Variants in PRELID2 observed in about 807,000 individuals in gnomAD.
PRELID2 encodes PRELI domain containing 2, also known as PRELI domain-containing protein 2.
A neutral mutation model predicts 28.4 loss-of-function variants in PRELID2; 25 were observed. The ratio of observed to expected loss-of-function variants is 0.88; its 90% confidence interval spans 0.64 to 1.23. PRELID2 has a LOEUF of 1.23. Among genes scored for constraint, PRELID2 ranks in the 50% most tolerant of loss-of-function variants. The probability of loss-of-function intolerance (pLI) is 0.00; values close to 1 mark genes in which losing one functional copy is unlikely to be tolerated. For synonymous variants in PRELID2, 76 were observed against 71.6 expected (o/e 1.06, Z -0.31); for missense variants, 201 against 214.4 (o/e 0.94, Z 0.39).
At chr5:145,531,138 T>C (rs528474779) in intron 1 of PRELID2, among the ~76,000 whole-genome samples, 32 of 152,302 alleles carry the variant, frequency 2.1e-4, no homozygotes, top group African/African-American at 7.5e-4. Flanking sequence ...ATATGGATGC[T>C]AGTCATTTGT....
chr5:145,367,129 T>C, the PRELID2 span, among the ~76,000 whole-genome samples: 1 of 149,560 alleles, frequency 6.7e-6, no homozygotes, highest in East Asian at 1.9e-4. Flanking sequence ...AAAATTGTCA[T>C]ATGATTCTTT....
chr5:145,398,413 T>C, the PRELID2 span, among the ~76,000 whole-genome samples: 1 of 152,062 alleles, frequency 6.6e-6, no homozygotes, highest in Admixed American at 6.6e-5. Context: ...ATCAGTAACA[T>C]ACCTTTCTGA....
At chr5:145,276,973 A>G in the PRELID2 span, among the ~76,000 whole-genome samples, 1 of 152,130 alleles carries the variant, frequency 6.6e-6, no homozygotes, top group Non-Finnish European at 1.5e-5. Flanking sequence ...ATGACAGGAG[A>G]AATGAAGTCC....
At chr5:145,391,137 G>A in the PRELID2 span, among the ~76,000 whole-genome samples, 1 of 152,118 alleles carries the variant, frequency 6.6e-6, no homozygotes, top group Non-Finnish European at 1.5e-5. Flanking sequence ...AGCTGTAAGT[G>A]AATCTACCAT....
chr5:145,693,146 A>G (rs1755184461), intron 1 of PRELID2, among the ~76,000 whole-genome samples: 1 of 149,186 alleles, frequency 6.7e-6, no homozygotes, highest in African/African-American at 2.5e-5. Flanking sequence ...ATAAATAAAT[A>G]AATCTTTTTT....
At chr5:145,560,804 T>C (rs899624223) in intron 1 of PRELID2, among the ~76,000 whole-genome samples, 6 of 152,206 alleles carry the variant, frequency 3.9e-5, no homozygotes, top group Non-Finnish European at 8.8e-5. Flanking sequence ...CCAAAATGCC[T>C]CTCTTCTTTC....
At chr5:145,381,104 A>C in the PRELID2 span, among the ~76,000 whole-genome samples, 2 of 152,326 alleles carry the variant, frequency 1.3e-5, no homozygotes, top group African/African-American at 4.8e-5. Flanking sequence ...TGTCTCTAAA[A>C]AGCAATAATT....
chr5:145,669,042 C>T (rs986574256), intron 1 of PRELID2, among the ~76,000 whole-genome samples: 4 of 152,064 alleles, frequency 2.6e-5, no homozygotes, highest in South Asian at 2.1e-4. Context: ...GACACACATC[C>T]CCGTGCTCCC....
At chr5:145,274,538 C>T in the PRELID2 span, among the ~76,000 whole-genome samples, 5 of 152,076 alleles carry the variant, frequency 3.3e-5, no homozygotes, top group Non-Finnish European at 5.9e-5. Context: ...TAGGCACAGA[C>T]TTAGAGGTTA....
At chr5:145,554,878 A>G (rs1752866686) in intron 1 of PRELID2, among the ~76,000 whole-genome samples, 1 of 152,222 alleles carries the variant, frequency 6.6e-6, no homozygotes, top group Admixed American at 6.5e-5. Context: ...TTCATGGGTC[A>G]TCATCAGGAA....
chr5:145,280,821 A>T, the PRELID2 span, among the ~76,000 whole-genome samples: 1 of 148,704 alleles, frequency 6.7e-6, no homozygotes, highest in Non-Finnish European at 1.5e-5. Flanking sequence ...AAAAAAACAG[A>T]TTGCTACATT....
intron 1 of PRELID2, among the ~76,000 whole-genome samples, chr5:145,485,503 C>T (rs1485436511): frequency 6.6e-6 from 1 of 152,222 alleles, no homozygotes; most frequent in East Asian, 1.9e-4. Flanking sequence ...TGTTTGCCTG[C>T]TCTGTTAACC....
rs534718407 is a variant in PRELID2, at chr5:145,612,086, T to C, written n.71-138771A>G. Among the ~76,000 whole-genome samples the C allele has an allele frequency of 2.0e-5, 3 of 152,290 alleles. No homozygotes were observed. The East Asian group carries it at 5.8e-4, about 29-fold the overall frequency. ...ATATTAGGACAATTGGACATCCATA[T>C]GTAAAAAAATTTGTAACTTGATCCT... On this transcript the variant is annotated intron_variant and non_coding_transcript_variant, in intron 1 of 2. Coordinates refer to the PRELID2 transcript ENST00000510259.
At chr5:145,296,640 C>G in the PRELID2 span, among the ~76,000 whole-genome samples, 1 of 152,026 alleles carries the variant, frequency 6.6e-6, no homozygotes, top group Non-Finnish European at 1.5e-5. Context: ...TGAATAGTGC[C>G]GCAATAAACA....
chr5:145,656,110 T>C (rs981760101), intron 1 of PRELID2, among the ~76,000 whole-genome samples: 2 of 152,154 alleles, frequency 1.3e-5, no homozygotes, highest in African/African-American at 4.8e-5. Flanking sequence ...CAGACACTTA[T>C]CAAAAGAAGA....
At chr5:145,236,988 C>T in the PRELID2 span, among the ~76,000 whole-genome samples, 5 of 152,142 alleles carry the variant, frequency 3.3e-5, no homozygotes, top group Admixed American at 1.3e-4. Flanking sequence ...TGGATTTGGC[C>T]TTGAGATGTG....
intron 1 of PRELID2, among the ~76,000 whole-genome samples, chr5:145,723,189 T>C (rs749697193): frequency 4.6e-5 from 7 of 152,114 alleles, no homozygotes; most frequent in Admixed American, 1.3e-4. Context: ...AAATAATACA[T>C]AATGACCAAG....
the PRELID2 span, among the ~76,000 whole-genome samples, chr5:145,431,006 GTTTTTTTTTT>G: frequency 1.1e-4 from 6 of 55,538 alleles, no homozygotes; most frequent in East Asian, 6.2e-4. Flanking sequence ...CCTGGCAATG[GTTTTTTTTTT>G]TTTTTTTTTT....
At chr5:145,341,267 T>C in the PRELID2 span, among the ~76,000 whole-genome samples, 1 of 151,568 alleles carries the variant, frequency 6.6e-6, no homozygotes, top group Admixed American at 6.6e-5. Context: ...CAAAAAGAAA[T>C]TTTTAAAATC....
Sources: gnomAD v4.1 joint callset for allele counts (sites outside exome capture counted in the v4.1 genomes callset) on GRCh38, gnomAD v4.1.1 for gene constraint, MANE v1.5 for transcripts, NCBI Gene and HGNC (gene_info 2026-07-23, HGNC 2026-07-21) for gene names.